Variants in MACROD2 observed in about 807,000 individuals in gnomAD.
MACROD2 encodes the protein mono-ADP ribosylhydrolase 2.
MACROD2 carries 36 observed loss-of-function variants against 70.4 expected under a neutral mutation model. The observed-to-expected ratio is 0.51, with a 90% CI of 0.39 to 0.68. The LOEUF is 0.68. Among genes scored for constraint, MACROD2 ranks in the 30% least tolerant of loss-of-function variants. MACROD2 has a pLI of 0.00. For synonymous variants in MACROD2, 172 were observed against 178.8 expected, an observed-to-expected ratio of 0.96 and a Z score of 0.30; for missense variants, 496 against 538.4, an observed-to-expected ratio of 0.92 and a Z score of 0.78.
chr20:15,272,614 T>C (rs1343641213), intron 6 of MACROD2, among the ~76,000 whole-genome samples: 1 of 152,230 alleles, frequency 6.6e-6, no homozygotes, highest in Non-Finnish European at 1.5e-5. Flanking sequence ...CTTTCCTTTT[T>C]ATTCAGCATT....
At chr20:15,936,952 G>A (rs2065673233) in intron 11 of MACROD2, among the ~76,000 whole-genome samples, 2 of 152,210 alleles carry the variant, frequency 1.3e-5, no homozygotes, top group African/African-American at 4.8e-5. Flanking sequence ...GAAAGTTCCT[G>A]GTGGCTTCTG....
intron 13 of MACROD2, among the ~76,000 whole-genome samples, chr20:15,979,773 A>G (rs759079767): frequency 4.5e-4 from 69 of 152,152 alleles, no homozygotes; most frequent in Non-Finnish European, 8.8e-4. Flanking sequence ...AAGAAAAACC[A>G]TTACTAGATA....
intron 5 of MACROD2, among the ~76,000 whole-genome samples, chr20:14,708,680 C>T (rs980702737): frequency 1.5e-4 from 23 of 152,134 alleles, no homozygotes; most frequent in Admixed American, 4.6e-4. Flanking sequence ...TGCAGTGGCA[C>T]GATCTCTGCT....
chr20:15,602,949 A>C (rs930485189), intron 8 of MACROD2, among the ~76,000 whole-genome samples: 1 of 152,150 alleles, frequency 6.6e-6, no homozygotes, highest in East Asian at 1.9e-4. Flanking sequence ...CTTAAAAAAA[A>C]AAATCTATCC....
Position 14,000,007 on chromosome 20 carries a change from TG to T in MACROD2, c.47-2280del, listed in dbSNP as rs567304903. 4.6e-5 allele frequency among the ~76,000 whole-genome samples: 7 copies of T among 152,268 alleles called. No homozygotes were observed. In the East Asian group the frequency reaches 1.4e-3, roughly 29 times the overall value. ...CCAGCCTGGTGACAGAGCAAGACTC[TG>T]TCTCAAGAAAAAAACAACTCTGTTT... On this transcript the variant is annotated intron_variant, in intron 1 of 17. Transcript: ENST00000684519.
intron 13 of MACROD2, among the ~76,000 whole-genome samples, chr20:15,978,171 C>T (rs2066337271): frequency 6.6e-6 from 1 of 152,128 alleles, no homozygotes; most frequent in Admixed American, 6.5e-5. Context: ...TGAAAAGCTC[C>T]CAGGTAATTC....
chr20:14,406,062 A>T (rs890315981), intron 3 of MACROD2, among the ~76,000 whole-genome samples: 2 of 152,158 alleles, frequency 1.3e-5, no homozygotes, highest in African/African-American at 4.8e-5. Context: ...AATATTTATT[A>T]AAAATGTCAA....
intron 3 of MACROD2, among the ~76,000 whole-genome samples, chr20:14,184,903 T>G (rs968699647): frequency 1.3e-5 from 2 of 152,184 alleles, no homozygotes; most frequent in South Asian, 4.1e-4. Context: ...TGAAGTTGTT[T>G]ATAAGCTTAA....
At chr20:15,318,986 G>A (rs7270966) in intron 6 of MACROD2, among the ~76,000 whole-genome samples, 27,612 of 151,990 alleles carry the variant, frequency 0.18, 2,753 homozygotes, top group Non-Finnish European at 0.23. Context: ...GAAAAAATAA[G>A]GAGCATTAAA....
chr20:15,491,701 G>A (rs909910911), intron 7 of MACROD2, among the ~76,000 whole-genome samples: 9 of 152,208 alleles, frequency 5.9e-5, no homozygotes, highest in Non-Finnish European at 1.3e-4. Context: ...TTTTGGGGGT[G>A]CCTTGTTCCC....
At chr20:15,701,586 T>G (rs895256237) in intron 8 of MACROD2, among the ~76,000 whole-genome samples, 5 of 152,246 alleles carry the variant, frequency 3.3e-5, no homozygotes, top group Non-Finnish European at 7.3e-5. Flanking sequence ...CAGTGTATTC[T>G]AGGTAACATT....
chr20:15,897,427 A>G (rs1386107393), intron 10 of MACROD2, among the ~76,000 whole-genome samples: 1 of 152,054 alleles, frequency 6.6e-6, no homozygotes. Context: ...TACTTCTTGG[A>G]TCTCGGAATG....
At chr20:15,579,130 G>A (rs2048489427) in intron 8 of MACROD2, among the ~76,000 whole-genome samples, 1 of 152,078 alleles carries the variant, frequency 6.6e-6, no homozygotes, top group Non-Finnish European at 1.5e-5. Context: ...TGCTTTCTCT[G>A]GTTTTCTCTC....
intron 8 of MACROD2, among the ~76,000 whole-genome samples, chr20:15,706,967 A>C (rs1195002014): frequency 1.3e-5 from 2 of 152,220 alleles, no homozygotes; most frequent in African/African-American, 4.8e-5. Context: ...CAAAGGGACT[A>C]AGTTGGATGG....
intron 2 of MACROD2, among the ~76,000 whole-genome samples, chr20:14,080,163 G>C (rs2053970716): frequency 6.6e-6 from 1 of 152,126 alleles, no homozygotes; most frequent in Non-Finnish European, 1.5e-5. Context: ...TAATATGAAG[G>C]TCAGGCACGG....
intron 8 of MACROD2, among the ~76,000 whole-genome samples, chr20:15,816,941 T>C (rs903712985): frequency 1.3e-5 from 2 of 152,212 alleles, no homozygotes; most frequent in African/African-American, 4.8e-5. Context: ...AGGTGCCATG[T>C]TCGTGCCAGC....
intron 3 of MACROD2, among the ~76,000 whole-genome samples, chr20:14,107,648 A>G (rs1189012479): frequency 6.6e-6 from 1 of 151,924 alleles, no homozygotes; most frequent in Non-Finnish European, 1.5e-5. Flanking sequence ...GAGAAAAGAA[A>G]CATATAACAT....
chr20:15,765,006 G>A (rs2051499391), intron 8 of MACROD2, among the ~76,000 whole-genome samples: 1 of 151,970 alleles, frequency 6.6e-6, no homozygotes, highest in Non-Finnish European at 1.5e-5. Context: ...CCCTCTGCTT[G>A]GAAAACCACA....
intron 4 of MACROD2, among the ~76,000 whole-genome samples, chr20:14,610,968 T>A (rs2123427672): frequency 6.6e-6 from 1 of 152,238 alleles, no homozygotes; most frequent in Non-Finnish European, 1.5e-5. Context: ...TAACAAACGT[T>A]TTTGGTAAGT....
Sources: gnomAD v4.1 joint callset for allele counts (sites outside exome capture counted in the v4.1 genomes callset) on GRCh38, gnomAD v4.1.1 for gene constraint, MANE v1.5 for transcripts, NCBI Gene and HGNC (gene_info 2026-07-23, HGNC 2026-07-21) for gene names.